ZC3H3: variants seen among roughly 807,000 people sequenced by gnomAD.
ZC3H3 encodes the protein zinc finger CCCH-type containing 3.
Under a neutral mutation model 77.3 loss-of-function variants are expected in ZC3H3, and 36 were observed. That is an observed-to-expected ratio of 0.47 (90% CI 0.36 to 0.61). The LOEUF (loss-of-function observed/expected upper bound fraction) is 0.61. Among genes scored for constraint, ZC3H3 ranks in the 20% least tolerant of loss-of-function variants. ZC3H3 has a pLI of 0.00. For missense variants in ZC3H3, 1,331 were observed against 1,312.2 expected (o/e 1.01, Z -0.22); for synonymous variants, 626 against 555.2 (o/e 1.13, Z -1.79).
chr8:143,453,433 A>G (rs970822054), intron 9 of ZC3H3, among the ~76,000 whole-genome samples: 2 of 152,172 alleles, frequency 1.3e-5, no homozygotes, highest in Admixed American at 1.3e-4. Flanking sequence ...ACAACAGTGG[A>G]TTTCTAACTA....
chr8:143,508,046 CA>C (rs1821761070), intron 3 of ZC3H3, 147 bp from the exon 4 acceptor site: 3 of 981,398 alleles, frequency 3.1e-6, no homozygotes, highest in African/African-American at 3.4e-5. Context: ...ACCCTCAACC[CA>C]TGTGGCACAC....
Position 143,499,697 on chromosome 8 carries a change from G to C in ZC3H3, c.1715+8049C>G, listed in dbSNP as rs372509608. ...AGCTGCTCACAGTAGAGCCAGCACC[G>C]GGCAGCAAGGATACAGACAGGATAC... On this transcript the variant is annotated intron_variant, in intron 4 of 11. Coordinates refer to ENST00000262577, the MANE Select transcript of ZC3H3 (RefSeq NM_015117.3). 1.7e-4 allele frequency among the ~76,000 whole-genome samples: 26 copies of C among 152,224 alleles called. 1 individual carries two copies. The highest frequency in any genetic ancestry group is 7.8e-4 in the Admixed American group (12 of 15,300).
chr8:143,541,054 GGA>G (rs1397912714), intron 1 of ZC3H3, among the ~76,000 whole-genome samples: 3 of 152,244 alleles, frequency 2.0e-5, no homozygotes, highest in Non-Finnish European at 2.9e-5. Flanking sequence ...TGGGGCGCGG[GGA>G]GAGAGTGGGC....
intron 3 of ZC3H3, among the ~76,000 whole-genome samples, chr8:143,509,746 G>T (rs1026204113): frequency 3.2e-4 from 49 of 152,160 alleles, no homozygotes; most frequent in African/African-American, 1.1e-3. Flanking sequence ...GCCACACTCG[G>T]GACACTGGGC....
At chr8:143,509,846 T>G (rs1192259740) in intron 3 of ZC3H3, among the ~76,000 whole-genome samples, 1 of 152,154 alleles carries the variant, frequency 6.6e-6, no homozygotes, top group Non-Finnish European at 1.5e-5. Flanking sequence ...CTGGCCCAGC[T>G]CCATTCCCGT....
intron 3 of ZC3H3, among the ~76,000 whole-genome samples, chr8:143,532,232 T>C (rs199584132): frequency 3.0e-4 from 28 of 92,342 alleles, no homozygotes; most frequent in African/African-American, 8.8e-4. Flanking sequence ...ATTACGCGAT[T>C]ACCAAAAAAG....
At chr8:143,498,212 C>G (rs1324460923) in intron 4 of ZC3H3, among the ~76,000 whole-genome samples, 1 of 152,192 alleles carries the variant, frequency 6.6e-6, no homozygotes, top group East Asian at 1.9e-4. Context: ...TGAGTGGCAG[C>G]AGCCACAAAA....
rs550948163 is a variant in ZC3H3 at position 143,482,641 on chromosome 8, C to T, written c.1716-7056G>A. On this transcript the variant is annotated intron_variant, in intron 4 of 11. Transcript: ENST00000262577. ...GGAATGCGGGCTGGGGCAAGATGGGCTCTCTGAGAACAAAGGGAGCAGCGG... is the reference window on the plus strand; with the variant it reads ...GGAATGCGGGCTGGGGCAAGATGGGTTCTCTGAGAACAAAGGGAGCAGCGG... Among the ~76,000 whole-genome samples the T allele has an allele frequency of 7.2e-5, 11 of 152,250 alleles. No individual in the cohort carries two copies. In the East Asian group the frequency reaches 2.1e-3, roughly 29 times the overall value.
intron 11 of ZC3H3, among the ~76,000 whole-genome samples, chr8:143,438,710 C>A (rs1212759416): frequency 6.6e-6 from 1 of 152,228 alleles, no homozygotes; most frequent in Non-Finnish European, 1.5e-5. Flanking sequence ...CAGATCTCCC[C>A]TCCAGACCAC....
At chr8:143,492,033 G>A (rs1374710006) in intron 4 of ZC3H3, among the ~76,000 whole-genome samples, 1 of 152,228 alleles carries the variant, frequency 6.6e-6, no homozygotes, top group African/African-American at 2.4e-5. Context: ...GGGCAGAGAA[G>A]GAGTGAAAGC....
chr8:143,449,149 C>A (rs561232354), intron 9 of ZC3H3, among the ~76,000 whole-genome samples: 52 of 152,338 alleles, frequency 3.4e-4, no homozygotes, highest in Admixed American at 2.4e-3. Flanking sequence ...GAGGGTCTGA[C>A]ATGAAGGTCT....
intron 4 of ZC3H3, among the ~76,000 whole-genome samples, chr8:143,504,243 T>C (rs1280293819): frequency 1.3e-5 from 2 of 152,088 alleles, no homozygotes; most frequent in African/African-American, 4.8e-5. Flanking sequence ...TGGGGGCTCA[T>C]GGCCAGGAGA....
intron 4 of ZC3H3, among the ~76,000 whole-genome samples, chr8:143,491,952 C>T (rs540255640): frequency 7.0e-4 from 107 of 152,310 alleles, no homozygotes; most frequent in Admixed American, 1.5e-3. Context: ...GCAGCCCACC[C>T]CACAGGCATG....
At chr8:143,488,638 G>GCC (rs1376705032) in intron 4 of ZC3H3, among the ~76,000 whole-genome samples, 1 of 152,258 alleles carries the variant, frequency 6.6e-6, no homozygotes, top group Non-Finnish European at 1.5e-5. Context: ...AGACATGAGT[G>GCC]GGAAGAGCCA....
At chr8:143,490,504 A>G (rs1051397769) in intron 4 of ZC3H3, among the ~76,000 whole-genome samples, 5 of 152,252 alleles carry the variant, frequency 3.3e-5, no homozygotes, top group Admixed American at 2.6e-4. Flanking sequence ...GCCCTGGGAC[A>G]AGGTAGGCAG....
intron 4 of ZC3H3, among the ~76,000 whole-genome samples, chr8:143,495,075 GCGATCC>G (rs1361908800): frequency 6.6e-6 from 1 of 152,210 alleles, no homozygotes; most frequent in African/African-American, 2.4e-5. Context: ...TTACGTCCCA[GCGATCC>G]CACGCGCGAC....
chr8:143,441,176 G>A lies in ZC3H3; in HGVS notation c.2308-56C>T, dbSNP rs1819732858. ...CCGGCTGGAGGCTGTGGCGCTGCACGGGGAAGGCAAGGAGAGCCAGGCCAG... is the reference window on the plus strand; with the variant it reads ...CCGGCTGGAGGCTGTGGCGCTGCACAGGGAAGGCAAGGAGAGCCAGGCCAG... On this transcript the variant is annotated intron_variant, in intron 9 of 11. Transcript: ENST00000262577. The A allele has an allele frequency of 5.2e-6, 7 of 1,352,902 alleles. No individual in the cohort carries two copies. The East Asian group carries it at 1.2e-4, about 24-fold the overall frequency. 83.8% of individuals were successfully genotyped at this position (1,352,902 alleles called of 1,614,324 possible). A position where few individuals can be genotyped will look rare whatever the true frequency, so the allele number is the denominator to read the frequency against.
intron 4 of ZC3H3, among the ~76,000 whole-genome samples, chr8:143,485,382 C>T (rs564183339): frequency 6.6e-6 from 1 of 152,312 alleles, no homozygotes; most frequent in Non-Finnish European, 1.5e-5. Flanking sequence ...ACAAGTGGGT[C>T]AACAGTGAGG....
intron 5 of ZC3H3, among the ~76,000 whole-genome samples, chr8:143,472,354 C>T (rs988296269): frequency 3.3e-5 from 5 of 152,386 alleles, no homozygotes; most frequent in African/African-American, 7.2e-5. Context: ...GTGGTGACGT[C>T]AGGGGCTCTG....
Sources: allele counts gnomAD v4.1 joint callset (sites outside exome capture counted in the v4.1 genomes callset), GRCh38; gene constraint gnomAD v4.1.1; transcripts MANE v1.5; gene names NCBI Gene and HGNC (gene_info 2026-07-23, HGNC 2026-07-21).